STON1: variants seen among roughly 807,000 people sequenced by gnomAD.
The protein encoded by STON1 is stonin-1.
In STON1, 79 loss-of-function variants were observed where a neutral mutation model predicts 60.9. The observed-to-expected ratio is 1.30, with a 90% CI of 1.08 to 1.56. STON1 has a LOEUF of 1.56. STON1 is among the 40% of genes most tolerant of loss of function. The pLI, the probability that STON1 is intolerant of heterozygous loss-of-function variation, is 0.00. For synonymous variants in STON1, 363 were observed against 306.9 expected (o/e 1.18, Z -1.91); for missense variants, 1,166 against 858.9 (o/e 1.36, Z -4.47).
At chr2:48,565,444 AC>A (rs749692518) in intron 1 of STON1, among the ~76,000 whole-genome samples, 2 of 152,158 alleles carry the variant, frequency 1.3e-5, no homozygotes, top group Non-Finnish European at 2.9e-5. Context: ...AAATATCATC[AC>A]ATTGGGATTC....
In STON1 at chr2:48,582,101, T is replaced by C; in HGVS notation, c.1468T>C (p.Cys490Arg). ...TATTCTTGACTACCATTTTCATAAG[T>C]GTGTGAATGTACAAGAATTTGAGCA... Reference protein sequence around the residue: ...IDILDYHFHKCVNVQEFEQSR... With the variant: ...IDILDYHFHKRVNVQEFEQSR... The change falls in exon 2 of 4, where the codon TGT becomes CGT. Residue 490 changes from cysteine (C) to arginine (R), a missense_variant. Physicochemically the swap from Cys to Arg is radical, Grantham distance 180. Coordinates refer to ENST00000404752, the MANE Select transcript of STON1 (RefSeq NM_006873.4). The C allele has an allele frequency of 6.2e-7, 1 of 1,613,996 alleles. No homozygotes were observed.
At chr2:48,593,423 T>C (rs1674636788) in intron 3 of STON1, among the ~76,000 whole-genome samples, 1 of 152,322 alleles carries the variant, frequency 6.6e-6, no homozygotes, top group Non-Finnish European at 1.5e-5. Context: ...CCTAAAAGTA[T>C]TTTTAACTAG....
intron 1 of STON1, among the ~76,000 whole-genome samples, chr2:48,553,113 C>T (rs1046169879): frequency 2.6e-5 from 4 of 152,096 alleles, no homozygotes; most frequent in African/African-American, 4.8e-5. Context: ...AGGGGTATGA[C>T]TAGAATTGTC....
At chr2:48,555,354 G>T (rs1349640414) in intron 1 of STON1, among the ~76,000 whole-genome samples, 2 of 50,850 alleles carry the variant, frequency 3.9e-5, no homozygotes, top group African/African-American at 7.2e-5. Context: ...GGATGGGGCG[G>T]CTGGCCGGGC....
chr2:48,591,938 GTGTGTGTGTGTATA>G (rs1328295471), intron 3 of STON1, 83 bp downstream of exon 3: 1 of 1,431,034 alleles, frequency 7.0e-7, no homozygotes, highest in African/African-American at 1.4e-5. Context: ...TGTATGTGTT[GTGTGTGTGTGTATA>G]TGTGTGGTGA....
At chr2:48,567,497 C>T (rs914527938) in intron 1 of STON1, among the ~76,000 whole-genome samples, 5 of 152,210 alleles carry the variant, frequency 3.3e-5, no homozygotes, top group South Asian at 2.1e-4. Context: ...CTGCAGTCTC[C>T]GCCTCCTGTG....
chr2:48,566,509 C>T (rs978143310), intron 1 of STON1, among the ~76,000 whole-genome samples: 1 of 151,574 alleles, frequency 6.6e-6, no homozygotes, highest in African/African-American at 2.4e-5. Flanking sequence ...TCTCAATCTT[C>T]TGACGTCGGG....
chr2:48,593,915 G>A (rs926777503), intron 3 of STON1, among the ~76,000 whole-genome samples: 12 of 152,188 alleles, frequency 7.9e-5, no homozygotes, highest in African/African-American at 1.4e-4. Flanking sequence ...TTCCCCAGCA[G>A]GTGGGAATTG....
At position 48,575,756 on chromosome 2, in the gene STON1, T is replaced by TTG; in HGVS notation, c.-47-4830_-47-4829insGT. ...ATGGTAGTTCTATTTTTAGTTTTTG[T>TTG]TTGTTTTTTTTTTTTTTTTGAGATG... On this transcript the variant is annotated intron_variant, in intron 1 of 3. Transcript: ENST00000404752. 2.9e-5 allele frequency among the ~76,000 whole-genome samples: 2 copies of TTG among 68,396 alleles called. 1 individual carries two copies. The highest frequency in any genetic ancestry group is 6.5e-5 in the Non-Finnish European group (2 of 30,580). The allele number at this position is 68,396 out of a possible 152,430, so 44.9% of individuals were successfully genotyped here.
At chr2:48,579,439 A>G (rs948517793) in intron 1 of STON1, among the ~76,000 whole-genome samples, 17 of 151,920 alleles carry the variant, frequency 1.1e-4, no homozygotes, top group Non-Finnish European at 1.5e-4. Flanking sequence ...CATTTGTCTC[A>G]AGATATTTTC....
At chr2:48,550,119 A>G (rs1672037184) in intron 1 of STON1, among the ~76,000 whole-genome samples, 1 of 152,130 alleles carries the variant, frequency 6.6e-6, no homozygotes, top group Non-Finnish European at 1.5e-5. Flanking sequence ...CTCTCACCAC[A>G]TGGGAGTCTT....
At chr2:48,579,003 AC>A (rs1673715331) in intron 1 of STON1, among the ~76,000 whole-genome samples, 1 of 141,638 alleles carries the variant, frequency 7.1e-6, no homozygotes, top group African/African-American at 2.6e-5. Context: ...TTTCAACACC[AC>A]TTTTTTTTTT....
chr2:48,549,874 G>A (rs1323545043), intron 1 of STON1, among the ~76,000 whole-genome samples: 1 of 143,122 alleles, frequency 7.0e-6, no homozygotes, highest in Non-Finnish European at 1.5e-5. Flanking sequence ...TTGGAGGTAG[G>A]AACCTGGCTG....
At chr2:48,593,618 G>A (rs932053673) in intron 3 of STON1, among the ~76,000 whole-genome samples, 2 of 152,152 alleles carry the variant, frequency 1.3e-5, no homozygotes, top group African/African-American at 4.8e-5. Flanking sequence ...GAGAACATGT[G>A]CCTCTCAAAT....
chr2:48,557,229 C>T (rs1237504766), intron 1 of STON1, among the ~76,000 whole-genome samples: 1 of 65,060 alleles, frequency 1.5e-5, no homozygotes. Flanking sequence ...GGGGTGGTTG[C>T]CAGGCAGAGG....
intron 1 of STON1, among the ~76,000 whole-genome samples, chr2:48,561,408 C>A (rs985440987): frequency 1.3e-5 from 2 of 152,144 alleles, no homozygotes; most frequent in Non-Finnish European, 2.9e-5. Flanking sequence ...GGGCAAAGTG[C>A]AGAATTTGGG....
intron 1 of STON1, among the ~76,000 whole-genome samples, chr2:48,564,493 TTC>T (rs1186579031): frequency 8.9e-4 from 19 of 21,238 alleles, no homozygotes; most frequent in African/African-American, 1.7e-3. Context: ...CTTCTTCTTC[TTC>T]TTCTTCTTCT....
chr2:48,564,583 TCCTCCTCCTCCTCCTCCTC>T (rs1672836784), intron 1 of STON1, among the ~76,000 whole-genome samples: 1 of 64,816 alleles, frequency 1.5e-5, no homozygotes, highest in African/African-American at 5.0e-5. Flanking sequence ...CTCCTTCTCC[TCCTCCTCCTCCTCCTCCTC>T]CTTCTCCTTC....
chr2:48,569,368 C>T (rs987325201), intron 1 of STON1, among the ~76,000 whole-genome samples: 2 of 152,114 alleles, frequency 1.3e-5, no homozygotes, highest in Admixed American at 6.6e-5. Flanking sequence ...TAAAATTATT[C>T]AATCAGAAAT....
Sources: gnomAD v4.1 joint callset for allele counts (sites outside exome capture counted in the v4.1 genomes callset) on GRCh38, gnomAD v4.1.1 for gene constraint, MANE v1.5 for transcripts, NCBI Gene and HGNC (gene_info 2026-07-23, HGNC 2026-07-21) for gene names.